Variants in SLC24A2 observed in about 807,000 individuals in gnomAD.
The protein encoded by SLC24A2 is sodium/potassium/calcium exchanger 2.
SLC24A2 carries 36 observed loss-of-function variants against 62.0 expected under a neutral mutation model. That is an observed-to-expected ratio of 0.58 (90% confidence interval 0.44 to 0.77). The LOEUF (loss-of-function observed/expected upper bound fraction) is 0.77, where lower values mean the gene tolerates loss of function less well. SLC24A2 is among the 30% of genes least tolerant of loss of function. SLC24A2 has a pLI of 0.00. For synonymous variants in SLC24A2, 358 were observed against 294.0 expected (o/e 1.22, Z -2.23); for missense variants, 846 against 817.9 (o/e 1.03, Z -0.42).
At chr9:20,162,662 G>A in the SLC24A2 span, among the ~76,000 whole-genome samples, 1 of 151,964 alleles carries the variant, frequency 6.6e-6, no homozygotes, top group African/African-American at 2.4e-5. Flanking sequence ...CCAAAGCTGG[G>A]CAGAGACACA....
chr9:20,041,576 T>C, the SLC24A2 span, among the ~76,000 whole-genome samples: 25 of 152,050 alleles, frequency 1.6e-4, no homozygotes, highest in African/African-American at 6.0e-4. Context: ...AAATCAGTGG[T>C]GGGGAGGGAG....
the SLC24A2 span, among the ~76,000 whole-genome samples, chr9:19,875,249 T>TA: frequency 6.6e-6 from 1 of 152,180 alleles, no homozygotes; most frequent in Non-Finnish European, 1.5e-5. Flanking sequence ...AGACTTGTGT[T>TA]AAAAAATACC....
At chr9:20,263,861 G>GC in the SLC24A2 span, among the ~76,000 whole-genome samples, 678 of 30,736 alleles carry the variant, frequency 0.022, 10 homozygotes, top group Middle Eastern at 0.052. Flanking sequence ...TATCCCACCC[G>GC]CCCCCCCCCC....
At chr9:20,051,681 G>GTTTTTTTTTTTTTTT in the SLC24A2 span, among the ~76,000 whole-genome samples, 1 of 23,978 alleles carries the variant, frequency 4.2e-5, no homozygotes, top group Non-Finnish European at 6.8e-5. Context: ...TTTTTTTTTG[G>GTTTTTTTTTTTTTTT]TGCTTGCTCC....
intron 2 of SLC24A2, among the ~76,000 whole-genome samples, chr9:19,676,343 C>T (rs886540440): frequency 4.6e-5 from 7 of 152,188 alleles, no homozygotes; most frequent in African/African-American, 1.7e-4. Flanking sequence ...TGTGAGTCTC[C>T]ACAAGCTGCT....
At chr9:19,638,487 G>A (rs897151263) in intron 2 of SLC24A2, among the ~76,000 whole-genome samples, 2 of 152,142 alleles carry the variant, frequency 1.3e-5, no homozygotes, top group Non-Finnish European at 2.9e-5. Flanking sequence ...GGGGAGCTAA[G>A]GGAATTTCTA....
the SLC24A2 span, among the ~76,000 whole-genome samples, chr9:20,088,651 G>A: frequency 6.6e-6 from 1 of 152,134 alleles, no homozygotes; most frequent in Non-Finnish European, 1.5e-5. Context: ...AGTCCACAGT[G>A]ACTGGAGGTT....
At chr9:19,770,981 C>T (rs560388650) in intron 2 of SLC24A2, among the ~76,000 whole-genome samples, 3 of 152,158 alleles carry the variant, frequency 2.0e-5, no homozygotes, top group Admixed American at 2.0e-4. Flanking sequence ...TCCTGTGATC[C>T]ACATTTGCAA....
At chr9:20,302,802 G>A in the SLC24A2 span, among the ~76,000 whole-genome samples, 1 of 151,996 alleles carries the variant, frequency 6.6e-6, no homozygotes, top group Non-Finnish European at 1.5e-5. Context: ...ATTTTTAATT[G>A]CCAAGGATGA....
chr9:20,211,761 G>C, the SLC24A2 span, among the ~76,000 whole-genome samples: 1 of 151,890 alleles, frequency 6.6e-6, no homozygotes, highest in East Asian at 1.9e-4. Context: ...CGAGGAAAGG[G>C]AACATAAAAA....
chr9:20,298,137 G>C, the SLC24A2 span, among the ~76,000 whole-genome samples: 1 of 152,218 alleles, frequency 6.6e-6, no homozygotes, highest in Non-Finnish European at 1.5e-5. Context: ...GCCAGGCACA[G>C]TCCCAGAGAC....
chr9:19,636,288 T>TTCCTTTCCTTTC (rs1564009453), intron 2 of SLC24A2, among the ~76,000 whole-genome samples: 1 of 38,420 alleles, frequency 2.6e-5, no homozygotes, highest in African/African-American at 9.5e-5. Flanking sequence ...CTTCTTCTCT[T>TTCCTTTCCTTTC]CTTTTCTTTT....
At chr9:19,860,308 C>T in the SLC24A2 span, among the ~76,000 whole-genome samples, 4 of 152,212 alleles carry the variant, frequency 2.6e-5, no homozygotes, top group African/African-American at 9.6e-5. Flanking sequence ...TTTTTCCAGG[C>T]CCTATCTCCC....
chr9:19,722,065 ACTAC>A, intron 2 of SLC24A2, among the ~76,000 whole-genome samples: 1 of 152,284 alleles, frequency 6.6e-6, no homozygotes, highest in South Asian at 2.1e-4. Context: ...CATCCTAGAG[ACTAC>A]CTGTCAGATG....
chr9:19,774,763 G>C (rs1225834677), intron 2 of SLC24A2, among the ~76,000 whole-genome samples: 1 of 152,092 alleles, frequency 6.6e-6, no homozygotes, highest in African/African-American at 2.4e-5. Context: ...CCTGTAGATG[G>C]GTAAAGAAGC....
chr9:19,565,696 G>A (rs1432972834), intron 7 of SLC24A2, among the ~76,000 whole-genome samples: 2 of 152,070 alleles, frequency 1.3e-5, no homozygotes, highest in South Asian at 4.2e-4. Context: ...GAGGCATCAG[G>A]CTACCTGACT....
At chr9:19,683,776 A>G (rs1057366838) in intron 2 of SLC24A2, among the ~76,000 whole-genome samples, 2 of 152,120 alleles carry the variant, frequency 1.3e-5, no homozygotes, top group Non-Finnish European at 2.9e-5. Context: ...CTGAGATGGG[A>G]GCATTTAAAA....
the SLC24A2 span, among the ~76,000 whole-genome samples, chr9:20,045,677 T>A: frequency 6.6e-6 from 1 of 152,038 alleles, no homozygotes; most frequent in African/African-American, 2.4e-5. Flanking sequence ...GTGATCTGCC[T>A]GCCTCGGCCT....
At chr9:19,728,746 A>C (rs1821248114) in intron 2 of SLC24A2, among the ~76,000 whole-genome samples, 1 of 152,138 alleles carries the variant, frequency 6.6e-6, no homozygotes, top group South Asian at 2.1e-4. Flanking sequence ...AAGGCTCCTC[A>C]ATTTTTGTAT....
Sources: allele counts gnomAD v4.1 joint callset (sites outside exome capture counted in the v4.1 genomes callset), GRCh38; gene constraint gnomAD v4.1.1; transcripts MANE v1.5; gene names NCBI Gene and HGNC (gene_info 2026-07-23, HGNC 2026-07-21).